The following SPON2 variants were observed in gnomAD, a reference collection of about 807,000 sequenced individuals.
SPON2 encodes the protein spondin-2.
In SPON2, 32 loss-of-function variants were observed where a neutral mutation model predicts 29.9. The observed-to-expected ratio is 1.07, with a 90% confidence interval of 0.81 to 1.44. The LOEUF (loss-of-function observed/expected upper bound fraction) is 1.44. Among genes scored for constraint, SPON2 ranks in the 40% most tolerant of loss-of-function variants. The probability of loss-of-function intolerance (pLI) is 0.00; values close to 1 mark genes in which losing one functional copy is unlikely to be tolerated. For missense variants in SPON2, 541 were observed against 455.5 expected (o/e 1.19, Z -1.71); for synonymous variants, 248 against 209.1 (o/e 1.19, Z -1.61).
At chr4:1,198,305 G>A (rs955685186), upstream of SPON2, among the ~76,000 whole-genome samples, 3 of 152,262 alleles carry the variant, frequency 2.0e-5, no homozygotes, top group East Asian at 1.9e-4. Context: ...TGGAGAGGGC[G>A]AGAGCTGAGC....
upstream of SPON2, chr4:1,172,948 C>G (rs1265736496): frequency 2.9e-5 from 4 of 139,728 alleles, no homozygotes; most frequent in African/African-American, 1.1e-4. Context: ...TGTCCTCCTC[C>G]CTCTCCCCGT....
chr4:1,170,238 AGT>A lies in SPON2; in HGVS notation c.811+162_811+163del, dbSNP rs1394155758. ...AATAATGTGCAAGAGTCACATCTTC[AGT>A]GTGTGAATCAACAGAATCCTAAATC... On this transcript the variant is annotated intron_variant, in intron 5 of 5. Coordinates refer to ENST00000290902, the MANE Select transcript of SPON2 (RefSeq NM_012445.4). 4.3e-6 allele frequency: 3 copies of A among 700,740 alleles called. No individual in the cohort carries two copies. In the Admixed American group the frequency reaches 7.5e-5, roughly 18 times the overall value. The allele number at this position is 700,740 out of a possible 1,614,324, so 43.4% of individuals were successfully genotyped here.
At chr4:1,179,426 T>C (rs962579938) in intron 2 of SPON2, 3 of 152,254 alleles carry the variant, frequency 2.0e-5, no homozygotes, top group African/African-American at 7.2e-5. Context: ...CTATCCATTT[T>C]CAGTGACACT....
chr4:1,186,107 G>C (rs955355335), intron 1 of SPON2, among the ~76,000 whole-genome samples: 25 of 150,342 alleles, frequency 1.7e-4, no homozygotes, highest in Non-Finnish European at 3.0e-5. Context: ...AGCCGGGCGT[G>C]GTGGTGGGCG....
intron 2 of SPON2, 157 bp from the exon 3 acceptor site, chr4:1,171,643 G>T: frequency 7.0e-6 from 6 of 858,708 alleles, no homozygotes; most frequent in Non-Finnish European, 1.1e-5. Context: ...CCCCTGCCGC[G>T]ACCCACCTGC....
upstream of SPON2, chr4:1,172,892 TCCCCTCCTCC>T (rs1727507915): frequency 1.7e-3 from 2 of 1,178 alleles, no homozygotes; most frequent in Non-Finnish European, 4.7e-3. Context: ...TCCCCTCCCC[TCCCCTCCTCC>T]CCTCCCCTCC....
At chr4:1,186,022 A>C (rs1469155408) in intron 1 of SPON2, among the ~76,000 whole-genome samples, 5 of 151,164 alleles carry the variant, frequency 3.3e-5, no homozygotes, top group South Asian at 2.1e-4. Context: ...AGGCGGGCGG[A>C]TCACGAGGTC....
intron 1 of SPON2, among the ~76,000 whole-genome samples, chr4:1,184,424 A>C (rs918988865): frequency 1.3e-5 from 2 of 152,048 alleles, no homozygotes; most frequent in Non-Finnish European, 2.9e-5. Flanking sequence ...GGGTGAAAAA[A>C]GGGATTCCAA....
In SPON2 at chr4:1,170,469, G is replaced by A. The variant is rs1215482710; in HGVS notation, c.744C>T (p.Pro248=). The A allele has an allele frequency of 6.2e-7, 1 of 1,613,932 alleles. No homozygotes were observed. Among genetic ancestry groups the A allele is most frequent in the Non-Finnish European group, 8.5e-7 (1 of 1,179,976 alleles). The change falls in exon 5 of 6, where the codon CCC becomes CCT. Residue 248 remains proline (P), a synonymous_variant. Transcript: ENST00000290902. ...RVTLVRLRQS[P]RAFIPPAPVL... Reference sequence around the variant, plus strand: ...CTGGGGCGGGAGGGATGAAGGCCCTGGGGCTCTGTCGCAGCCGCACCAGTG... The same window carrying A: ...CTGGGGCGGGAGGGATGAAGGCCCTAGGGCTCTGTCGCAGCCGCACCAGTG...
rs781455865 is a variant in SPON2, at chr4:1,171,929, G to A, written c.143C>T (p.Thr48Met). The A allele has an allele frequency of 5.6e-6, 9 of 1,612,790 alleles. No homozygotes were observed. Among genetic ancestry groups the A allele is most frequent in the African/African-American group, 1.3e-5 (1 of 74,920 alleles). ...GAAGGCCGTCTGGCTCCACTTGCCC[G>A]TGAAGGTGATGCTGTATTTGGCCAG... ...RALAKYSITF[T>M]GKWSQTAFPK... The change falls in exon 2 of 6, where the codon ACG becomes ATG. Residue 48 changes from threonine to methionine, a missense_variant. Coordinates refer to ENST00000290902, the MANE Select transcript of SPON2 (RefSeq NM_012445.4).
intron 1 of SPON2, among the ~76,000 whole-genome samples, chr4:1,186,107 G>A (rs955355335): frequency 9.3e-5 from 14 of 150,340 alleles, no homozygotes; most frequent in Admixed American, 2.0e-4. Flanking sequence ...AGCCGGGCGT[G>A]GTGGTGGGCG....
upstream of SPON2, among the ~76,000 whole-genome samples, chr4:1,176,280 T>G (rs1166516364): frequency 2.0e-5 from 3 of 152,002 alleles, no homozygotes; most frequent in Non-Finnish European, 4.4e-5. Context: ...TATCCATAGG[T>G]GTAACTCACA....
At chr4:1,191,478 CAAA>C (rs1229186908) in intron 1 of SPON2, among the ~76,000 whole-genome samples, 1 of 152,196 alleles carries the variant, frequency 6.6e-6, no homozygotes, top group Admixed American at 6.5e-5. Flanking sequence ...TAAAATTGAT[CAAA>C]GACCTAAAAG....
chr4:1,193,567 GT>G lies in SPON2; in HGVS notation c.-239+1422del, dbSNP rs1455148881. ...CTCCCCAGCAACAGGGGTCACTCCC[GT>G]AGGACCTGCCGCTGACCATGGGACA... On this transcript the variant is annotated intron_variant, in intron 1 of 3. Transcript: ENST00000502483. Among the ~76,000 whole-genome samples, 3 of 140,238 alleles carry G rather than the reference GT, an allele frequency of 2.1e-5. No individual in the cohort carries two copies. The East Asian group carries it at 6.4e-4, about 30-fold the overall frequency. The allele number at this position is 140,238 out of a possible 152,430, so 92.0% of individuals were successfully genotyped here. A position where few individuals can be genotyped will look rare whatever the true frequency, so the allele number is the denominator to read the frequency against.
intron 1 of SPON2, among the ~76,000 whole-genome samples, chr4:1,194,767 C>T (rs4991229): frequency 0.03 from 4,590 of 152,210 alleles, 387 homozygotes; most frequent in Admixed American, 0.18. Context: ...GGCCCGGGGC[C>T]AGAGGCAGTG....
intron 5 of SPON2, among the ~76,000 whole-genome samples, chr4:1,169,553 C>G (rs1238170965): frequency 6.6e-6 from 1 of 152,174 alleles, no homozygotes; most frequent in African/African-American, 2.4e-5. Flanking sequence ...ATTACTGCTG[C>G]TCCTCAAGAC....
At chr4:1,177,244 C>T (rs1448150816), upstream of SPON2, among the ~76,000 whole-genome samples, 1 of 152,210 alleles carries the variant, frequency 6.6e-6, no homozygotes, top group Admixed American at 6.5e-5. Context: ...TGCCACGGCC[C>T]CAGCAGGCAC....
At chr4:1,170,817 G>A in intron 4 of SPON2, 182 bp downstream of exon 4, 1 of 1,014,236 alleles carries the variant, frequency 9.9e-7, no homozygotes, top group East Asian at 2.6e-5. Flanking sequence ...GTGACCCCGG[G>A]TTGGGAGAGT....
chr4:1,168,350 C>T (rs751741564), intron 5 of SPON2, among the ~76,000 whole-genome samples: 1 of 152,228 alleles, frequency 6.6e-6, no homozygotes, highest in African/African-American at 2.4e-5. Context: ...CTGCCGTGCA[C>T]GGGAGGACAG....
Sources: gnomAD v4.1 joint callset for allele counts (sites outside exome capture counted in the v4.1 genomes callset) on GRCh38, gnomAD v4.1.1 for gene constraint, MANE v1.5 for transcripts, NCBI Gene and HGNC (gene_info 2026-07-23, HGNC 2026-07-21) for gene names.